The following PIP4P2 variants were observed in gnomAD, a reference collection of about 807,000 sequenced individuals.
PIP4P2 encodes the protein type 2 phosphatidylinositol 4,5-bisphosphate 4-phosphatase.
In PIP4P2, 19 loss-of-function variants were observed where a neutral mutation model predicts 33.3. The observed-to-expected ratio is 0.57, with a 90% CI of 0.40 to 0.84. The LOEUF is 0.84. Ranked by LOEUF, PIP4P2 falls within the 40% of genes least tolerant of loss-of-function variation. The pLI, the probability that PIP4P2 is intolerant of heterozygous loss-of-function variation, is 0.00. For synonymous variants in PIP4P2, 110 were observed against 111.9 expected (o/e 0.98, Z 0.11); for missense variants, 270 against 324.7 (o/e 0.83, Z 1.29).
At chr8:90,997,564 C>T (rs1201489315) in intron 5 of PIP4P2, among the ~76,000 whole-genome samples, 2 of 152,032 alleles carry the variant, frequency 1.3e-5, no homozygotes, top group Non-Finnish European at 2.9e-5. Context: ...AGTATTCACC[C>T]TCTCTGTATC....
intron 2 of PIP4P2, among the ~76,000 whole-genome samples, chr8:91,020,848 A>G (rs1811998391): frequency 6.6e-6 from 1 of 152,214 alleles, no homozygotes; most frequent in South Asian, 2.1e-4. Flanking sequence ...CTACAGACAT[A>G]AAATAACTTC....
intron 1 of PIP4P2, among the ~76,000 whole-genome samples, chr8:91,025,837 T>C (rs1023907379): frequency 1.3e-5 from 2 of 152,198 alleles, no homozygotes; most frequent in Non-Finnish European, 2.9e-5. Context: ...GCTTGGCCAC[T>C]ATGGGTTAGC....
In PIP4P2 at chr8:90,995,584, G is replaced by A. The variant is rs1796694511; in HGVS notation, c.*93C>T. Reference sequence around the variant, plus strand: ...AAACGATTATACATAAACCAGAATGGAATCCATTAGGATAAATAATTTAAA... The same window carrying A: ...AAACGATTATACATAAACCAGAATGAAATCCATTAGGATAAATAATTTAAA... On this transcript the variant is annotated 3_prime_UTR_variant, in exon 7 of 7. Coordinates refer to ENST00000285419, the MANE Select transcript of PIP4P2 (RefSeq NM_018710.3). 1 of 1,432,482 alleles carries A rather than the reference G, an allele frequency of 7.0e-7. No individual in the cohort carries two copies. Among genetic ancestry groups the A allele is most frequent in the Non-Finnish European group, 9.2e-7 (1 of 1,081,734 alleles). 88.7% of individuals were successfully genotyped at this position (1,432,482 alleles called of 1,614,324 possible).
At chr8:91,014,011 T>C (rs906561561) in intron 4 of PIP4P2, among the ~76,000 whole-genome samples, 9 of 152,242 alleles carry the variant, frequency 5.9e-5, no homozygotes, top group Admixed American at 4.6e-4. Context: ...AATAAATGCA[T>C]GCATTTCCAT....
intron 1 of PIP4P2, among the ~76,000 whole-genome samples, chr8:91,030,164 C>T (rs959802647): frequency 7.6e-5 from 11 of 144,932 alleles, no homozygotes; most frequent in African/African-American, 2.8e-4. Flanking sequence ...AAGTAGATCT[C>T]ATTTGTGCCA....
chr8:91,032,208 G>C (rs1469505857), intron 1 of PIP4P2, among the ~76,000 whole-genome samples: 1 of 152,146 alleles, frequency 6.6e-6, no homozygotes, highest in Admixed American at 6.5e-5. Context: ...CTGAAGTCCA[G>C]AAAAAGGAAC....
intron 1 of PIP4P2, among the ~76,000 whole-genome samples, chr8:91,038,495 G>T (rs1812262365): frequency 6.6e-6 from 1 of 152,066 alleles, no homozygotes; most frequent in East Asian, 1.9e-4. Flanking sequence ...TTTACAATCT[G>T]AAATAATTCA....
At chr8:91,028,528 T>G (rs1812114570) in intron 1 of PIP4P2, among the ~76,000 whole-genome samples, 1 of 152,216 alleles carries the variant, frequency 6.6e-6, no homozygotes, top group African/African-American at 2.4e-5. Context: ...CAACTCACAG[T>G]GGTCCCAGTA....
rs549182142 is a variant in PIP4P2 at position 91,037,578 on chromosome 8, C to T, written c.106+3066G>A. The stretch of plus-strand genomic sequence containing the variant: ...TTACATAATTTATTTCTCAATACCC[C>T]CACTACACTGGAAGAGGAGCCATGA... On this transcript the variant is annotated intron_variant, in intron 1 of 6. Transcript: ENST00000285419. Among the ~76,000 whole-genome samples the T allele has an allele frequency of 1.7e-4, 26 of 152,290 alleles. No homozygotes were observed. In the South Asian group the frequency reaches 3.1e-3, roughly 18 times the overall value.
At chr8:91,030,546 A>AT (rs1812149273) in intron 1 of PIP4P2, among the ~76,000 whole-genome samples, 1 of 152,232 alleles carries the variant, frequency 6.6e-6, no homozygotes, top group African/African-American at 2.4e-5. Context: ...TACATATTAA[A>AT]TTTTTATTAG....
chr8:91,017,378 G>A (rs751335047), intron 4 of PIP4P2, among the ~76,000 whole-genome samples: 1 of 151,932 alleles, frequency 6.6e-6, no homozygotes, highest in Non-Finnish European at 1.5e-5. Context: ...CAGCCTGGGC[G>A]ACGGAGTGAG....
chr8:91,038,381 A>C (rs1812261100), intron 1 of PIP4P2, among the ~76,000 whole-genome samples: 1 of 152,226 alleles, frequency 6.6e-6, no homozygotes, highest in Non-Finnish European at 1.5e-5. Flanking sequence ...ATCATTAACT[A>C]AAATTCATTA....
At chr8:91,012,745 T>TA (rs1811856392) in intron 4 of PIP4P2, among the ~76,000 whole-genome samples, 1 of 152,188 alleles carries the variant, frequency 6.6e-6, no homozygotes, top group South Asian at 2.1e-4. Flanking sequence ...CTTTAGAAGT[T>TA]AGTCTCTGAA....
At chr8:91,013,782 T>C (rs1219095225) in intron 4 of PIP4P2, among the ~76,000 whole-genome samples, 1 of 152,132 alleles carries the variant, frequency 6.6e-6, no homozygotes, top group African/African-American at 2.4e-5. Context: ...GAGCCTCCCA[T>C]GTTGGTCTCT....
At chr8:91,006,722 A>C (rs961737474) in intron 5 of PIP4P2, among the ~76,000 whole-genome samples, 2 of 152,184 alleles carry the variant, frequency 1.3e-5, no homozygotes, top group Non-Finnish European at 2.9e-5. Context: ...TATTCTCAGC[A>C]CTTTGGGAGG....
At chr8:91,030,995 AAT>A (rs1812155997) in intron 1 of PIP4P2, among the ~76,000 whole-genome samples, 1 of 152,204 alleles carries the variant, frequency 6.6e-6, no homozygotes, top group South Asian at 2.1e-4. Context: ...TGCTTTGACA[AAT>A]AGAGGATGGC....
At chr8:91,008,316 A>C (rs1811788575) in intron 5 of PIP4P2, among the ~76,000 whole-genome samples, 1 of 152,314 alleles carries the variant, frequency 6.6e-6, no homozygotes, top group East Asian at 1.9e-4. Context: ...AATTATATAA[A>C]TGCTGCTATC....
intron 4 of PIP4P2, among the ~76,000 whole-genome samples, chr8:91,010,363 C>T (rs532182063): frequency 5.3e-5 from 8 of 151,934 alleles, no homozygotes; most frequent in African/African-American, 1.7e-4. Flanking sequence ...TCAAGAGTAA[C>T]TCAAAATCCA....
chr8:91,012,849 A>T (rs1395335228), intron 4 of PIP4P2, among the ~76,000 whole-genome samples: 1 of 152,200 alleles, frequency 6.6e-6, no homozygotes, highest in African/African-American at 2.4e-5. Flanking sequence ...TTACTTTTTA[A>T]TATAATAGAA....
Sources: gnomAD v4.1 joint callset for allele counts (sites outside exome capture counted in the v4.1 genomes callset) on GRCh38, gnomAD v4.1.1 for gene constraint, MANE v1.5 for transcripts, NCBI Gene and HGNC (gene_info 2026-07-23, HGNC 2026-07-21) for gene names.